The following NUP210 variants were observed in gnomAD, a reference collection of about 807,000 sequenced individuals.
NUP210 encodes nuclear pore membrane glycoprotein 210.
Under a neutral mutation model 196.0 loss-of-function variants are expected in NUP210, and 151 were observed. The ratio of observed to expected loss-of-function variants is 0.77; its 90% confidence interval spans 0.67 to 0.88. The LOEUF (loss-of-function observed/expected upper bound fraction) is 0.88. NUP210 is among the 40% of genes least tolerant of loss of function. The probability of loss-of-function intolerance (pLI) is 0.00; values close to 1 mark genes in which losing one functional copy is unlikely to be tolerated. For missense variants in NUP210, 2,314 were observed against 2,493.7 expected, an observed-to-expected ratio of 0.93 and a Z score of 1.53; for synonymous variants, 1,070 against 1,052.7, an observed-to-expected ratio of 1.02 and a Z score of -0.32.
chr3:13,389,095 C>G (rs1403859429), intron 4 of NUP210, among the ~76,000 whole-genome samples: 1 of 152,234 alleles, frequency 6.6e-6, no homozygotes, highest in East Asian at 1.9e-4. Context: ...TACAAACGAG[C>G]CCACTGTTCC....
In NUP210 at chr3:13,317,643, C is replaced by A; in HGVS notation, c.*38G>T. On this transcript the variant is annotated 3_prime_UTR_variant, in exon 40 of 40. Transcript: ENST00000254508. ...TGTTCCATCTTGGGGGTGCACGAGG[C>A]TCGGCTGAGACCCATCCTCCGGGAA... is the stretch of plus-strand genomic sequence containing the variant. The A allele has an allele frequency of 6.9e-7, 1 of 1,451,838 alleles. No homozygotes were observed. The highest frequency in any genetic ancestry group is 9.5e-7 in the Non-Finnish European group (1 of 1,050,742). 89.9% of individuals were successfully genotyped at this position (1,451,838 alleles called of 1,614,324 possible).
chr3:13,343,143 C>T (rs776424051), intron 21 of NUP210, 32 bp downstream of exon 21: 9 of 1,612,248 alleles, frequency 5.6e-6, no homozygotes, highest in Admixed American at 3.3e-5. Context: ...GCAGGTCAGC[C>T]GAGGGTGCCC....
intron 1 of NUP210, among the ~76,000 whole-genome samples, chr3:13,412,264 C>T (rs966442068): frequency 4.8e-5 from 6 of 125,148 alleles, no homozygotes; most frequent in South Asian, 2.4e-4. Flanking sequence ...GACAGGGTTT[C>T]GCTATGTTGC....
intron 4 of NUP210, among the ~76,000 whole-genome samples, chr3:13,389,420 C>T (rs1032779584): frequency 1.3e-5 from 2 of 152,140 alleles, no homozygotes; most frequent in Admixed American, 6.5e-5. Context: ...GAGGCAGGCA[C>T]GGGATTCCCT....
chr3:13,372,566 T>C (rs1430843219), intron 12 of NUP210, among the ~76,000 whole-genome samples: 1 of 152,144 alleles, frequency 6.6e-6, no homozygotes, highest in East Asian at 1.9e-4. Flanking sequence ...GCAGGCGTGT[T>C]AGGACCAGTG....
At chr3:13,391,368 G>T (rs1699487012) in intron 3 of NUP210, 61 bp from the exon 4 acceptor site, 1 of 1,100,846 alleles carries the variant, frequency 9.1e-7, no homozygotes, top group Non-Finnish European at 1.3e-6. Context: ...GTGGAGGGAG[G>T]CGTGATGGGA....
At chr3:13,354,140 C>T (rs751208091) in intron 16 of NUP210, 33 bp from the exon 17 acceptor site, 1 of 1,544,294 alleles carries the variant, frequency 6.5e-7, no homozygotes, top group Admixed American at 1.9e-5. Context: ...GTTGTGGTCA[C>T]CCCCAGGACT....
intron 20 of NUP210, among the ~76,000 whole-genome samples, chr3:13,351,024 C>T (rs1365987523): frequency 1.3e-5 from 2 of 152,182 alleles, no homozygotes; most frequent in Non-Finnish European, 2.9e-5. Flanking sequence ...AAAAGTATAA[C>T]AGCTGAAATG....
intron 28 of NUP210, among the ~76,000 whole-genome samples, chr3:13,333,720 A>T (rs1697094404): frequency 6.6e-6 from 1 of 152,140 alleles, no homozygotes; most frequent in Non-Finnish European, 1.5e-5. Context: ...CGGCATCCAC[A>T]CGGAAGCCAC....
At position 13,320,045 on chromosome 3, in the gene NUP210, C is replaced by T. The variant is rs1464498477; in HGVS notation, c.5167-66G>A. The T allele has an allele frequency of 2.1e-6, 3 of 1,457,400 alleles. No individual in the cohort carries two copies. The Admixed American group carries it at 5.2e-5, about 25-fold the overall frequency. 90.3% of individuals were successfully genotyped at this position (1,457,400 alleles called of 1,614,324 possible). On this transcript the variant is annotated intron_variant, in intron 36 of 39. Coordinates refer to ENST00000254508, the MANE Select transcript of NUP210 (RefSeq NM_024923.4). The stretch of plus-strand genomic sequence containing the variant: ...GTGGGGGGACCACTGAGCGGGGCCT[C>T]AGGACCCCGAGGCGGGAGGGCTGCT...
intron 17 of NUP210, 21 bp downstream of exon 17, chr3:13,353,894 T>C (rs1225828194): frequency 1.9e-6 from 3 of 1,593,018 alleles, no homozygotes; most frequent in Non-Finnish European, 2.6e-6. Context: ...GCCTGGGCCA[T>C]CAGGCTTGTG....
chr3:13,349,860 G>A (rs1217666285), intron 20 of NUP210, among the ~76,000 whole-genome samples: 1 of 152,236 alleles, frequency 6.6e-6, no homozygotes, highest in East Asian at 1.9e-4. Flanking sequence ...AAGTTTGCCA[G>A]AGACAAACGG....
chr3:13,345,941 G>A (rs1697705070), intron 20 of NUP210, among the ~76,000 whole-genome samples: 1 of 152,242 alleles, frequency 6.6e-6, no homozygotes, highest in African/African-American at 2.4e-5. Context: ...GGAGTGGGCA[G>A]GTCCTTCACA....
Position 13,335,501 on chromosome 3 carries a change from G to A in NUP210, c.3796C>T (p.Gln1266Ter). The A allele has an allele frequency of 6.2e-7, 1 of 1,614,078 alleles. No homozygotes were observed. Among genetic ancestry groups the A allele is most frequent in the Non-Finnish European group, 8.5e-7 (1 of 1,180,024 alleles). Residue 1266 changes from glutamine to a stop codon, truncating the protein, a stop_gained, in exon 28 of 40, where the codon CAG (glutamine) becomes TAG (stop). Coordinates refer to ENST00000254508, the MANE Select transcript of NUP210 (RefSeq NM_024923.4). LOFTEE classifies it high-confidence loss of function. The part of the protein sequence containing the change: ...VVKAVDPTSG[Q>*]LYGLARELSD... ...AGTTCTCTGGCCAGGCCATACAGCTGCCCCGATGTGGGGTCCACAGCCTTG... is the reference window on the plus strand; with the variant it reads ...AGTTCTCTGGCCAGGCCATACAGCTACCCCGATGTGGGGTCCACAGCCTTG...
chr3:13,320,130 G>C (rs1696461006), intron 36 of NUP210, 151 bp from the exon 37 acceptor site: 1 of 723,830 alleles, frequency 1.4e-6, no homozygotes, highest in Non-Finnish European at 2.3e-6. Flanking sequence ...CTTCCCTCCT[G>C]GGGCCCAAGG....
chr3:13,336,689 C>A (rs1230712570), intron 27 of NUP210, 98 bp downstream of exon 27: 2 of 1,377,094 alleles, frequency 1.5e-6, no homozygotes, highest in African/African-American at 2.9e-5. Flanking sequence ...AGGGTGGGGA[C>A]TTCCTGTGGG....
intron 12 of NUP210, among the ~76,000 whole-genome samples, chr3:13,372,548 G>A (rs976825477): frequency 1.3e-5 from 2 of 152,226 alleles, no homozygotes; most frequent in Admixed American, 6.5e-5. Flanking sequence ...GCGACAGCTT[G>A]AGCCAGGGCA....
At chr3:13,349,587 G>T (rs901340311) in intron 20 of NUP210, among the ~76,000 whole-genome samples, 2 of 152,214 alleles carry the variant, frequency 1.3e-5, no homozygotes, top group African/African-American at 2.4e-5. Flanking sequence ...TAACGTGCAG[G>T]TGTCACCAGA....
chr3:13,335,388 G>T, intron 28 of NUP210, 66 bp downstream of exon 28: 1 of 1,562,396 alleles, frequency 6.4e-7, no homozygotes, highest in Non-Finnish European at 8.7e-7. Flanking sequence ...ATGTGGCCCC[G>T]AAGGAAGATT....
Sources: gnomAD v4.1 joint callset for allele counts (sites outside exome capture counted in the v4.1 genomes callset) on GRCh38, gnomAD v4.1.1 for gene constraint, MANE v1.5 for transcripts, NCBI Gene and HGNC (gene_info 2026-07-23, HGNC 2026-07-21) for gene names.